The following IQCM variants were observed in gnomAD, a reference collection of about 807,000 sequenced individuals.
IQCM encodes the protein IQ motif containing M.
In IQCM, 45 loss-of-function variants were observed where a neutral mutation model predicts 57.6. The ratio of observed to expected loss-of-function variants is 0.78; its 90% CI spans 0.62 to 1.00. The LOEUF is 1.00. Among genes scored for constraint, IQCM ranks in the 50% least tolerant of loss-of-function variants. IQCM has a pLI of 0.00. For synonymous variants in IQCM, 148 were observed against 158.9 expected (o/e 0.93, Z 0.51); for missense variants, 468 against 511.6 (o/e 0.91, Z 0.82).
chr4:149,494,054 G>A (rs1742392323), intron 12 of IQCM, among the ~76,000 whole-genome samples: 2 of 150,426 alleles, frequency 1.3e-5, no homozygotes. Flanking sequence ...TTTTTTTTAA[G>A]GGTTTTTTTG....
chr4:149,629,483 T>C (rs1488766241), intron 7 of IQCM, among the ~76,000 whole-genome samples: 1 of 152,072 alleles, frequency 6.6e-6, no homozygotes, highest in Non-Finnish European at 1.5e-5. Context: ...ATCACCTGAA[T>C]CATGACCTTG....
chr4:149,707,831 A>G (rs1446037937), intron 5 of IQCM, among the ~76,000 whole-genome samples: 1 of 152,066 alleles, frequency 6.6e-6, no homozygotes, highest in Admixed American at 6.6e-5. Context: ...CAGACCCTTC[A>G]GAGACCCTAT....
At chr4:149,484,340 TTTG>T (rs1302584917) in intron 12 of IQCM, among the ~76,000 whole-genome samples, 1 of 151,992 alleles carries the variant, frequency 6.6e-6, no homozygotes, top group Non-Finnish European at 1.5e-5. Flanking sequence ...TTCCTGCCAT[TTTG>T]TTATTTGTTT....
At chr4:149,697,539 A>C (rs936884898) in intron 5 of IQCM, among the ~76,000 whole-genome samples, 1 of 152,084 alleles carries the variant, frequency 6.6e-6, no homozygotes, top group Non-Finnish European at 1.5e-5. Flanking sequence ...ACGTGCCATA[A>C]ATCAGGCTTT....
intron 7 of IQCM, among the ~76,000 whole-genome samples, chr4:149,647,510 T>C (rs534883579): frequency 2.0e-4 from 31 of 152,244 alleles, no homozygotes; most frequent in African/African-American, 6.5e-4. Flanking sequence ...GTAAGGTTAT[T>C]ATTCCACTAT....
intron 13 of IQCM, among the ~76,000 whole-genome samples, chr4:149,366,235 A>T (rs985445997): frequency 3.3e-5 from 5 of 152,116 alleles, no homozygotes; most frequent in Non-Finnish European, 7.4e-5. Context: ...GAGTACCAAC[A>T]GTATAGTGGG....
chr4:149,638,442 A>G (rs866128101), intron 7 of IQCM, among the ~76,000 whole-genome samples: 11 of 152,036 alleles, frequency 7.2e-5, no homozygotes, highest in East Asian at 3.9e-4. Flanking sequence ...CCACACAAAT[A>G]TGAGTAAACA....
At chr4:149,507,106 T>C (rs1024164583) in intron 12 of IQCM, among the ~76,000 whole-genome samples, 3 of 152,180 alleles carry the variant, frequency 2.0e-5, no homozygotes, top group Non-Finnish European at 2.9e-5. Context: ...CAGTGTGTGA[T>C]GTGCCTTTCA....
At chr4:149,556,518 C>G (rs1282974799) in intron 10 of IQCM, among the ~76,000 whole-genome samples, 2 of 152,112 alleles carry the variant, frequency 1.3e-5, no homozygotes, top group Non-Finnish European at 2.9e-5. Context: ...AAGAAGATAT[C>G]TTGACCACAT....
intron 2 of IQCM, among the ~76,000 whole-genome samples, chr4:149,774,014 T>C (rs1486824514): frequency 1.3e-5 from 2 of 152,212 alleles, no homozygotes; most frequent in African/African-American, 4.8e-5. Context: ...ATACCTTATA[T>C]ATTTGTGTAT....
intron 8 of IQCM, among the ~76,000 whole-genome samples, chr4:149,614,888 A>G (rs998834191): frequency 7.9e-5 from 12 of 152,124 alleles, no homozygotes; most frequent in Non-Finnish European, 1.3e-4. Flanking sequence ...TCCCAGTGAC[A>G]CCTTCCTGAC....
chr4:149,701,606 G>A (rs904226406), intron 5 of IQCM, among the ~76,000 whole-genome samples: 6 of 151,922 alleles, frequency 3.9e-5, no homozygotes, highest in Admixed American at 6.6e-5. Flanking sequence ...TGTCTCACAC[G>A]CTCTGGCACT....
chr4:149,615,683 TA>T (rs1422383505), intron 8 of IQCM, among the ~76,000 whole-genome samples: 6 of 152,234 alleles, frequency 3.9e-5, no homozygotes, highest in African/African-American at 1.4e-4. Flanking sequence ...AAAGAATGCA[TA>T]TCTACAATGA....
chr4:149,644,813 A>T (rs961768676), intron 7 of IQCM, among the ~76,000 whole-genome samples: 5 of 152,214 alleles, frequency 3.3e-5, no homozygotes, highest in Non-Finnish European at 7.3e-5. Flanking sequence ...ACTCATTTGC[A>T]TGTTAAAGTC....
chr4:149,808,353 A>G (rs546078848), intron 2 of IQCM, among the ~76,000 whole-genome samples: 26 of 152,148 alleles, frequency 1.7e-4, no homozygotes, highest in Non-Finnish European at 2.9e-4. Flanking sequence ...TGAGGGAGCT[A>G]AAAGTGTGTC....
chr4:149,545,294 T>G (rs1023862412), intron 12 of IQCM, among the ~76,000 whole-genome samples: 2 of 152,088 alleles, frequency 1.3e-5, no homozygotes, highest in African/African-American at 2.4e-5. Flanking sequence ...GGAGAAAATA[T>G]TTGCAAACCA....
At chr4:149,541,661 A>G (rs992124051) in intron 12 of IQCM, among the ~76,000 whole-genome samples, 3 of 152,092 alleles carry the variant, frequency 2.0e-5, no homozygotes, top group East Asian at 3.9e-4. Flanking sequence ...AGATCGGCCT[A>G]CAAATGTAGC....
At chr4:149,367,948 G>C (rs1729956726) in intron 13 of IQCM, among the ~76,000 whole-genome samples, 1 of 151,922 alleles carries the variant, frequency 6.6e-6, no homozygotes, top group Non-Finnish European at 1.5e-5. Context: ...TTTTGCGAAT[G>C]GTTCCTCAAT....
intron 12 of IQCM, among the ~76,000 whole-genome samples, chr4:149,519,483 G>T (rs1356881644): frequency 6.6e-6 from 1 of 151,960 alleles, no homozygotes; most frequent in Non-Finnish European, 1.5e-5. Flanking sequence ...TTAGCCTGGC[G>T]TGGTGGCGGG....
Sources: gnomAD v4.1 joint callset for allele counts (sites outside exome capture counted in the v4.1 genomes callset) on GRCh38, gnomAD v4.1.1 for gene constraint, MANE v1.5 for transcripts, NCBI Gene and HGNC (gene_info 2026-07-23, HGNC 2026-07-21) for gene names.